Variants in ALK observed in about 807,000 individuals in gnomAD.
ALK encodes ALK receptor tyrosine kinase.
Under a neutral mutation model 163.1 loss-of-function variants are expected in ALK, and 74 were observed. The ratio of observed to expected loss-of-function variants is 0.45; its 90% confidence interval spans 0.38 to 0.55. The LOEUF is 0.55. Among genes scored for constraint, ALK ranks in the 20% least tolerant of loss-of-function variants. The probability of loss-of-function intolerance (pLI) is 0.00; values close to 1 mark genes in which losing one functional copy is unlikely to be tolerated. For missense variants in ALK, 2,063 were observed against 2,105.3 expected (o/e 0.98, Z 0.39); for synonymous variants, 960 against 843.2 (o/e 1.14, Z -2.40).
At chr2:29,685,428 T>C (rs1292324175) in intron 3 of ALK, among the ~76,000 whole-genome samples, 1 of 152,214 alleles carries the variant, frequency 6.6e-6, no homozygotes, top group Non-Finnish European at 1.5e-5. Context: ...ATTTCTGGCC[T>C]CAGCTCCTTG....
intron 1 of ALK, among the ~76,000 whole-genome samples, chr2:29,839,140 T>C (rs532308465): frequency 1.4e-4 from 21 of 152,160 alleles, no homozygotes; most frequent in Non-Finnish European, 2.8e-4. Context: ...ATTGGTCCCA[T>C]TGAAAACCAT....
intron 3 of ALK, among the ~76,000 whole-genome samples, chr2:29,662,961 T>G (rs1157221065): frequency 6.6e-6 from 1 of 152,176 alleles, no homozygotes; most frequent in African/African-American, 2.4e-5. Flanking sequence ...CAGTAGATAG[T>G]AGGGACTCAA....
chr2:29,611,668 C>T (rs1675695438), intron 3 of ALK, among the ~76,000 whole-genome samples: 1 of 152,140 alleles, frequency 6.6e-6, no homozygotes, highest in Non-Finnish European at 1.5e-5. Flanking sequence ...GTGATTGGAT[C>T]GTGGGCATGG....
chr2:29,473,568 A>G (rs1330655686), intron 4 of ALK, among the ~76,000 whole-genome samples: 1 of 152,212 alleles, frequency 6.6e-6, no homozygotes, highest in African/African-American at 2.4e-5. Flanking sequence ...ACAACAAAAA[A>G]GGGTAAAAAG....
At chr2:29,808,548 G>A (rs1183646686) in intron 1 of ALK, among the ~76,000 whole-genome samples, 1 of 152,170 alleles carries the variant, frequency 6.6e-6, no homozygotes. Flanking sequence ...GGGAGATAGA[G>A]TGAGCTGAGA....
chr2:29,211,343 A>G (rs1669461330), intron 24 of ALK, among the ~76,000 whole-genome samples: 2 of 106,676 alleles, frequency 1.9e-5, no homozygotes. Context: ...CAAGAGAAAT[A>G]TAGCAAAGTA....
chr2:29,455,489 T>A (rs1414250704), intron 4 of ALK, among the ~76,000 whole-genome samples: 1 of 152,170 alleles, frequency 6.6e-6, no homozygotes, highest in Non-Finnish European at 1.5e-5. Context: ...GCTAATTACA[T>A]CAACCTCACA....
intron 4 of ALK, among the ~76,000 whole-genome samples, chr2:29,507,612 CAGG>C (rs1233420649): frequency 6.6e-6 from 1 of 152,188 alleles, no homozygotes; most frequent in Non-Finnish European, 1.5e-5. Context: ...AGGCCCAAAT[CAGG>C]AGGAGCAGGG....
In ALK at chr2:29,676,246, G is replaced by A. The variant is rs1677868759; in HGVS notation, c.952+18604C>T. Among the ~76,000 whole-genome samples the A allele has an allele frequency of 2.0e-5, 3 of 151,892 alleles. No homozygotes were observed. In the South Asian group the frequency reaches 6.2e-4, roughly 31 times the overall value. ...ATGTCTTGCATTGATTGTGATTTTA[G>A]CATCATACCTAAAAACGTTTTTCCC... On this transcript the variant is annotated intron_variant, in intron 3 of 28. Transcript: ENST00000389048.
chr2:29,239,196 G>A (rs1271157467), intron 13 of ALK, among the ~76,000 whole-genome samples: 1 of 152,130 alleles, frequency 6.6e-6, no homozygotes, highest in Non-Finnish European at 1.5e-5. Flanking sequence ...TGCTTCCTCA[G>A]CTCCTAGCCC....
Position 29,193,347 on chromosome 2 carries a change from C to T in ALK, c.4740G>A (p.Gly1580=), listed in dbSNP as rs2148137275. 6.2e-7 allele frequency: 1 copy of T among 1,614,208 alleles called. No individual in the cohort carries two copies. Among genetic ancestry groups the T allele is most frequent in the Non-Finnish European group, 8.5e-7 (1 of 1,180,040 alleles). ...PLFRLRHFPC[G]NVNYGYQQQG... ...GTTGCTGGTAGCCGTAATTGACATT[C>T]CCACAAGGGAAGTGACGTAGCCTGA... The change falls in exon 29 of 29, where the codon GGG becomes GGA. Residue 1580 remains glycine (G), a synonymous_variant. Transcript: ENST00000389048.
chr2:29,877,916 C>A (rs948153546), intron 1 of ALK, among the ~76,000 whole-genome samples: 3 of 152,162 alleles, frequency 2.0e-5, no homozygotes, highest in Non-Finnish European at 2.9e-5. Flanking sequence ...CTCTGCCCAA[C>A]CCTAGGATTC....
chr2:29,253,586 C>T (rs1055541603), intron 11 of ALK, among the ~76,000 whole-genome samples: 1 of 152,030 alleles, frequency 6.6e-6, no homozygotes, highest in African/African-American at 2.4e-5. Context: ...GATCCCGTGC[C>T]AACAGCACCT....
chr2:29,674,181 A>G lies in ALK; in HGVS notation c.952+20669T>C, dbSNP rs1224847914. ...TACCCTTTATTTCCTTCACCTGCCT[A>G]ATTGCCCTGGCCAGAACTTCCAACA... On this transcript the variant is annotated intron_variant, in intron 3 of 28. Coordinates refer to ENST00000389048, the MANE Select transcript of ALK (RefSeq NM_004304.5). Among the ~76,000 whole-genome samples the G allele has an allele frequency of 4.5e-3, 679 of 151,764 alleles. 4 individuals carry two copies. The highest frequency in any genetic ancestry group is 0.014 in the African/African-American group (561 of 41,360).
intron 3 of ALK, among the ~76,000 whole-genome samples, chr2:29,674,986 T>C (rs935515297): frequency 9.3e-5 from 14 of 150,336 alleles, no homozygotes; most frequent in African/African-American, 3.2e-4. Context: ...TATTCTCTGA[T>C]GGTAGTTTGT....
chr2:29,861,724 C>A (rs1666297253), intron 1 of ALK, among the ~76,000 whole-genome samples: 2 of 152,146 alleles, frequency 1.3e-5, no homozygotes, highest in Non-Finnish European at 2.9e-5. Flanking sequence ...TTATACTAAT[C>A]CTTTTCAAAC....
intron 3 of ALK, among the ~76,000 whole-genome samples, chr2:29,647,661 G>A (rs557804926): frequency 5.7e-4 from 86 of 152,034 alleles, no homozygotes; most frequent in African/African-American, 2.0e-3. Flanking sequence ...GATTAAGCCC[G>A]TCCATACACT....
intron 23 of ALK, among the ~76,000 whole-genome samples, chr2:29,214,867 C>T (rs937251433): frequency 2.0e-5 from 3 of 152,202 alleles, no homozygotes; most frequent in Non-Finnish European, 4.4e-5. Flanking sequence ...TTCACCATTT[C>T]CCCAAGTCAC....
intron 1 of ALK, 142 bp downstream of exon 1, chr2:29,919,851 A>G: frequency 1.9e-6 from 2 of 1,035,040 alleles, no homozygotes; most frequent in Non-Finnish European, 2.8e-6. Context: ...TGATTCGGGA[A>G]GGAGGTTTGC....
Sources: allele counts gnomAD v4.1 joint callset (sites outside exome capture counted in the v4.1 genomes callset), GRCh38; gene constraint gnomAD v4.1.1; transcripts MANE v1.5; gene names NCBI Gene and HGNC (gene_info 2026-07-23, HGNC 2026-07-21).